Variants in HIPK2 observed in about 807,000 individuals in gnomAD.
The protein encoded by HIPK2 is homeodomain interacting protein kinase 2.
In HIPK2, 27 loss-of-function variants were observed where a neutral mutation model predicts 113.7. The ratio of observed to expected loss-of-function variants is 0.24; its 90% CI spans 0.17 to 0.33. HIPK2 has a LOEUF of 0.33. Ranked by LOEUF, HIPK2 falls within the 10% of genes least tolerant of loss-of-function variation. The pLI, the probability that HIPK2 is intolerant of heterozygous loss-of-function variation, is 1.00. For missense variants in HIPK2, 1,257 were observed against 1,588.0 expected, an observed-to-expected ratio of 0.79 and a Z score of 3.54; for synonymous variants, 631 against 642.2, an observed-to-expected ratio of 0.98 and a Z score of 0.26.
intron 2 of HIPK2, among the ~76,000 whole-genome samples, chr7:139,671,716 AT>A (rs1218483984): frequency 6.6e-6 from 1 of 151,986 alleles, no homozygotes; most frequent in Non-Finnish European, 1.5e-5. Context: ...ACCCCAGCTA[AT>A]TTTTTTGCAT....
At chr7:139,598,831 C>A (rs1799315860) in intron 11 of HIPK2, among the ~76,000 whole-genome samples, 1 of 152,182 alleles carries the variant, frequency 6.6e-6, no homozygotes, top group South Asian at 2.1e-4. Flanking sequence ...GCATGACAGC[C>A]CATGAGGATT....
chr7:139,586,934 C>T (rs190731391), intron 12 of HIPK2, among the ~76,000 whole-genome samples: 6 of 151,882 alleles, frequency 4.0e-5, no homozygotes, highest in Admixed American at 2.0e-4. Flanking sequence ...AGGTTGGGGG[C>T]TAGGGGAGAG....
chr7:139,635,360 G>A (rs1800772499), intron 2 of HIPK2, among the ~76,000 whole-genome samples: 1 of 152,184 alleles, frequency 6.6e-6, no homozygotes. Context: ...TATCAGGTTA[G>A]TTACGTGGTT....
intron 13 of HIPK2, among the ~76,000 whole-genome samples, chr7:139,579,637 T>C (rs991719290): frequency 6.8e-4 from 103 of 152,070 alleles, no homozygotes; most frequent in African/African-American, 2.4e-3. Flanking sequence ...CTCAAGAAGG[T>C]CAAAGGAAAA....
intron 13 of HIPK2, among the ~76,000 whole-genome samples, chr7:139,576,358 A>G (rs1176083329): frequency 6.6e-6 from 1 of 152,232 alleles, no homozygotes; most frequent in Non-Finnish European, 1.5e-5. Flanking sequence ...CATCTTGTTC[A>G]GTGCAGACTC....
chr7:139,644,398 A>T (rs1801136722), intron 2 of HIPK2, among the ~76,000 whole-genome samples: 1 of 152,072 alleles, frequency 6.6e-6, no homozygotes, highest in Non-Finnish European at 1.5e-5. Context: ...CAGCCTGCAC[A>T]CTCAAGCCTG....
In HIPK2 at chr7:139,777,685, C is replaced by A. The variant is rs1034441356; in HGVS notation, c.-62G>T. 26 of 1,084,988 alleles carry A rather than the reference C, an allele frequency of 2.4e-5. No individual in the cohort carries two copies. Among genetic ancestry groups the A allele is most frequent in the Admixed American group, 1.6e-4 (3 of 18,652 alleles). 67.2% of individuals were successfully genotyped at this position (1,084,988 alleles called of 1,614,324 possible). A position where few individuals can be genotyped will look rare whatever the true frequency, so the allele number is the denominator to read the frequency against. On this transcript the variant is annotated 5_prime_UTR_variant, in exon 1 of 15. Coordinates refer to ENST00000406875, the MANE Select transcript of HIPK2 (RefSeq NM_022740.5). Reference sequence around the variant, plus strand: ...CGGGAAAGCGGCGCGCGAGCTCGGCCCCCCCAGCCTCAGTCGGAATCTGCC... The same window carrying A: ...CGGGAAAGCGGCGCGCGAGCTCGGCACCCCCAGCCTCAGTCGGAATCTGCC...
In HIPK2 at chr7:139,604,452, A is replaced by C. The variant is rs369386811; in HGVS notation, c.2113-229T>G. On this transcript the variant is annotated intron_variant, in intron 9 of 14. Transcript: ENST00000406875. ...ATCCTAGCACTTTGGGAGGCTGAGG[A>C]GAGCGGATCACGAGGTCAGGAGATC... Among the ~76,000 whole-genome samples the C allele has an allele frequency of 4.5e-3, 692 of 152,154 alleles. 7 individuals are homozygous for C. The highest frequency in any genetic ancestry group is 0.016 in the African/African-American group (649 of 41,520).
chr7:139,703,444 G>A (rs1794770899), intron 2 of HIPK2, among the ~76,000 whole-genome samples: 1 of 152,022 alleles, frequency 6.6e-6, no homozygotes, highest in Non-Finnish European at 1.5e-5. Context: ...AGAGGAGGAC[G>A]AGAAATCCTT....
chr7:139,671,447 T>C (rs1802294199), intron 2 of HIPK2, among the ~76,000 whole-genome samples: 1 of 152,236 alleles, frequency 6.6e-6, no homozygotes, highest in Non-Finnish European at 1.5e-5. Flanking sequence ...TGAGTCTCCA[T>C]AAACACTGCT....
At chr7:139,704,739 G>C (rs1373215612) in intron 2 of HIPK2, among the ~76,000 whole-genome samples, 1 of 152,152 alleles carries the variant, frequency 6.6e-6, no homozygotes, top group Non-Finnish European at 1.5e-5. Context: ...CGTGGCTGCA[G>C]GAGGTACCAG....
rs1409717811 is a variant in HIPK2, at chr7:139,653,551, A to G, written c.1104-21826T>C. 7.2e-5 allele frequency among the ~76,000 whole-genome samples: 11 copies of G among 151,838 alleles called. No homozygotes were observed. In the East Asian group the frequency reaches 1.9e-3, roughly 27 times the overall value. ...GACATGCCATTGAGAGGCACAGGTG[A>G]TAAGTGAGCAAAGGAAATCAGCTTC... On this transcript the variant is annotated intron_variant, in intron 2 of 14. Transcript: ENST00000406875.
At chr7:139,612,424 C>T (rs559248815) in intron 9 of HIPK2, among the ~76,000 whole-genome samples, 4 of 152,154 alleles carry the variant, frequency 2.6e-5, no homozygotes, top group Non-Finnish European at 5.9e-5. Flanking sequence ...TGGCATCAGA[C>T]TTACTGGGTG....
At chr7:139,730,365 T>C (rs532462298) in intron 1 of HIPK2, among the ~76,000 whole-genome samples, 316 of 140,228 alleles carry the variant, frequency 2.3e-3, no homozygotes, top group Admixed American at 3.7e-3. Context: ...TTTTTCTCTC[T>C]TTTTTTTTTT....
chr7:139,579,520 C>T (rs867807141), intron 13 of HIPK2, among the ~76,000 whole-genome samples: 7 of 152,030 alleles, frequency 4.6e-5, no homozygotes, highest in Non-Finnish European at 1.0e-4. Context: ...AATCCCAGGG[C>T]GATGAAATCA....
chr7:139,617,714 T>C lies in HIPK2; in HGVS notation c.1782+2687A>G, dbSNP rs1175647819. On this transcript the variant is annotated intron_variant, in intron 7 of 14. Transcript: ENST00000406875. ...CCCAGCTTCCTTGAGACCTAAAAGA[T>C]TGTAGATTCATGATCATTTGGGAAA... Among the ~76,000 whole-genome samples, 4 of 152,236 alleles carry C rather than the reference T, an allele frequency of 2.6e-5. 1 individual carries two copies. The highest frequency in any genetic ancestry group is 1.3e-4 in the Admixed American group (2 of 15,290).
intron 2 of HIPK2, among the ~76,000 whole-genome samples, chr7:139,703,435 G>C (rs1423374805): frequency 7.9e-5 from 12 of 152,088 alleles, no homozygotes; most frequent in African/African-American, 2.9e-4. Context: ...TTTACAAAAA[G>C]AGGAGGACGA....
intron 2 of HIPK2, among the ~76,000 whole-genome samples, chr7:139,701,449 G>C (rs1224171521): frequency 1.1e-4 from 17 of 152,328 alleles, no homozygotes; most frequent in African/African-American, 3.8e-4. Flanking sequence ...CCCTCACCTA[G>C]AACGTCGGCT....
chr7:139,679,848 T>A (rs1012557931), intron 2 of HIPK2, among the ~76,000 whole-genome samples: 9 of 152,022 alleles, frequency 5.9e-5, no homozygotes, highest in African/African-American at 2.2e-4. Flanking sequence ...AGGCTCTGCA[T>A]GAAAAGGCAT....
Sources: gnomAD v4.1 joint callset for allele counts (sites outside exome capture counted in the v4.1 genomes callset) on GRCh38, gnomAD v4.1.1 for gene constraint, MANE v1.5 for transcripts, NCBI Gene and HGNC (gene_info 2026-07-23, HGNC 2026-07-21) for gene names.